MIGA1: variants seen among roughly 807,000 people sequenced by gnomAD.
The protein encoded by MIGA1 is family with sequence similarity 73, member A.
In MIGA1, 58 loss-of-function variants were observed where a neutral mutation model predicts 82.0. The observed-to-expected ratio is 0.71, with a 90% CI of 0.57 to 0.88. The LOEUF (loss-of-function observed/expected upper bound fraction) is 0.88. Ranked by LOEUF, MIGA1 falls within the 40% of genes least tolerant of loss-of-function variation. The probability of loss-of-function intolerance (pLI) is 0.00; values close to 1 mark genes in which losing one functional copy is unlikely to be tolerated. For synonymous variants in MIGA1, 249 were observed against 253.6 expected, an observed-to-expected ratio of 0.98 and a Z score of 0.17; for missense variants, 751 against 749.1, an observed-to-expected ratio of 1.00 and a Z score of -0.03.
Position 77,866,330 on chromosome 1 carries a change from G to C in MIGA1, c.1510-8G>C. ...ATATAAATCTTTCTTTTCTCTGCAT[G>C]TATTTAGGCTGTGGCTTCAAGTTGT... On this transcript the variant is annotated splice_region_variant and splice_polypyrimidine_tract_variant and intron_variant, in intron 13 of 15. Transcript: ENST00000370791. 1 of 1,613,654 alleles carries C rather than the reference G, an allele frequency of 6.2e-7. No homozygotes were observed. Among genetic ancestry groups the C allele is most frequent in the East Asian group, 2.2e-5 (1 of 44,884 alleles).
intron 10 of MIGA1, 122 bp from the exon 11 acceptor site, chr1:77,859,918 C>T: frequency 4.8e-6 from 3 of 619,124 alleles, no homozygotes; most frequent in East Asian, 3.0e-5. Context: ...TGTGAGCTGC[C>T]TGTTGAAATA....
intron 2 of MIGA1, among the ~76,000 whole-genome samples, chr1:77,790,664 G>A (rs1009239080): frequency 1.3e-5 from 2 of 149,894 alleles, no homozygotes; most frequent in Admixed American, 6.7e-5. Context: ...TGGCTCACTT[G>A]CAACCTCCAC....
intron 7 of MIGA1, among the ~76,000 whole-genome samples, chr1:77,816,221 G>A (rs903915960): frequency 5.9e-5 from 9 of 152,162 alleles, no homozygotes; most frequent in Admixed American, 5.9e-4. Flanking sequence ...TGGGATTACA[G>A]GCGTGGACCA....
At chr1:77,821,389 GA>G (rs974963428) in intron 7 of MIGA1, among the ~76,000 whole-genome samples, 3 of 150,076 alleles carry the variant, frequency 2.0e-5, no homozygotes, top group East Asian at 2.0e-4. Flanking sequence ...AATAGTTTTA[GA>G]TTTTTTTTTT....
chr1:77,807,080 C>T lies in MIGA1; in HGVS notation c.616C>T (p.Pro206Ser), dbSNP rs1331620792. Residue 206 changes from proline (P) to serine (S), a missense_variant, in exon 5 of 16, where the codon CCA becomes TCA. Coordinates refer to ENST00000370791, the MANE Select transcript of MIGA1 (RefSeq NM_198549.4). ...ACTTGTTAATATTCCTGTGACTACTCCAGAGAACTTATACTTAATGGGTAG... is the reference window on the plus strand; with the variant it reads ...ACTTGTTAATATTCCTGTGACTACTTCAGAGAACTTATACTTAATGGGTAG... The T allele has an allele frequency of 1.9e-6, 3 of 1,591,406 alleles. No homozygotes were observed. In the East Asian group the frequency reaches 6.7e-5, roughly 36 times the overall value.
intron 14 of MIGA1, chr1:77,868,605 C>T (rs928723010): frequency 6.6e-6 from 1 of 152,236 alleles, no homozygotes; most frequent in Non-Finnish European, 1.5e-5. Context: ...GCCAAATTCC[C>T]TCTGTACTTA....
At chr1:77,785,724 G>C (rs539015333) in intron 2 of MIGA1, among the ~76,000 whole-genome samples, 1 of 152,304 alleles carries the variant, frequency 6.6e-6, no homozygotes, top group Admixed American at 6.5e-5. Flanking sequence ...GCAAGAGGTG[G>C]GTTCCCATGG....
intron 2 of MIGA1, among the ~76,000 whole-genome samples, chr1:77,786,989 T>C (rs1483455414): frequency 6.6e-6 from 1 of 152,190 alleles, no homozygotes; most frequent in African/African-American, 2.4e-5. Context: ...AAAAGAAAGC[T>C]TTATTGGACT....
Position 77,874,849 on chromosome 1 carries a change from C to A in MIGA1, c.1684C>A (p.Gln562Lys). 3 of 1,611,144 alleles carry A rather than the reference C, an allele frequency of 1.9e-6. No individual in the cohort carries two copies. Among genetic ancestry groups the A allele is most frequent in the East Asian group, 4.5e-5 (2 of 44,852 alleles). ...CCAATTTATGTTCATTTTCCAGAAT[C>A]AAGTTCTTTTATTTCTCAAAGACAT... The change falls in exon 16 of 16, where the codon CAA becomes AAA. Residue 562 changes from glutamine (Q) to lysine (K), a missense_variant. Physicochemically the swap from Gln to Lys is moderately conservative, Grantham distance 53 (BLOSUM62 1). Around this residue, in one of 3 missense-constraint regions of MIGA1, gnomAD observed 265 missense variants for 293.6 expected, o/e 0.90. Transcript: ENST00000370791.
In MIGA1 at chr1:77,874,949, G is replaced by T; in HGVS notation, c.1784G>T (p.Arg595Leu). ...GACCTCATGCAGTTACTCATTCGCC[G>T]CACTGAGCTTTTAATGGCCTATCTT... Residue 595 changes from arginine (R) to leucine (L), a missense_variant, in exon 16 of 16, where the codon CGC becomes CTC. By Grantham distance (102) the Arg-to-Leu change is moderately radical. This residue lies in a region of MIGA1 where 265 missense variants were observed against 293.6 expected (regional missense o/e 0.90). Coordinates refer to ENST00000370791, the MANE Select transcript of MIGA1 (RefSeq NM_198549.4). 1.2e-6 allele frequency: 2 copies of T among 1,613,988 alleles called. No homozygotes were observed. Among genetic ancestry groups the T allele is most frequent in the Non-Finnish European group, 1.7e-6 (2 of 1,179,934 alleles).
chr1:77,869,743 C>A (rs1279654792), intron 14 of MIGA1, among the ~76,000 whole-genome samples: 4 of 114,434 alleles, frequency 3.5e-5, no homozygotes, highest in Admixed American at 3.1e-4. Flanking sequence ...GGCCGACCCC[C>A]CCCCCGCCTG....
intron 2 of MIGA1, among the ~76,000 whole-genome samples, chr1:77,795,088 C>T (rs1422909576): frequency 2.0e-5 from 3 of 151,510 alleles, no homozygotes; most frequent in East Asian, 2.0e-4. Context: ...CTCAGCCACC[C>T]GAGTAGCTGG....
At chr1:77,848,172 A>G in intron 8 of MIGA1, 2 of 1,425,258 alleles carry the variant, frequency 1.4e-6, no homozygotes, top group Non-Finnish European at 2.0e-6. Flanking sequence ...TCATAGGCAC[A>G]GGAGACCAGT....
intron 4 of MIGA1, among the ~76,000 whole-genome samples, chr1:77,804,687 G>A (rs1683019504): frequency 1.3e-5 from 2 of 148,400 alleles, no homozygotes; most frequent in South Asian, 4.3e-4. Flanking sequence ...GTGGCGCGAT[G>A]AGCTGGAACT....
At chr1:77,831,043 C>G (rs1044025253) in intron 7 of MIGA1, among the ~76,000 whole-genome samples, 2 of 152,200 alleles carry the variant, frequency 1.3e-5, no homozygotes, top group African/African-American at 4.8e-5. Context: ...CCTCCATCCA[C>G]AAAGTCGAAG....
chr1:77,785,444 A>G (rs1682115967), intron 2 of MIGA1, among the ~76,000 whole-genome samples: 1 of 152,036 alleles, frequency 6.6e-6, no homozygotes, highest in Non-Finnish European at 1.5e-5. Context: ...CCCGAGTTCA[A>G]GCGATTCTCC....
intron 7 of MIGA1, among the ~76,000 whole-genome samples, chr1:77,837,075 A>G (rs1570978643): frequency 6.6e-6 from 1 of 152,316 alleles, no homozygotes; most frequent in East Asian, 1.9e-4. Context: ...AAGAACTTGT[A>G]AGCTCTTTGC....
chr1:77,791,559 GTTT>G (rs71075763), intron 2 of MIGA1, among the ~76,000 whole-genome samples: 8,066 of 124,678 alleles, frequency 0.065, 279 homozygotes, highest in South Asian at 0.13. Flanking sequence ...AGATATTTAA[GTTT>G]TTTTTTTTTT....
Position 77,878,766 on chromosome 1 carries a change from T to C in MIGA1, c.*3702T>C. 2.6e-6 allele frequency: 1 copy of C among 384,618 alleles called. No individual in the cohort carries two copies. Among genetic ancestry groups the C allele is most frequent in the Middle Eastern group, 6.7e-4 (1 of 1,502 alleles). The allele number at this position is 384,618 out of a possible 1,614,324, so 23.8% of individuals were successfully genotyped here. A position where few individuals can be genotyped will look rare whatever the true frequency, so the allele number is the denominator to read the frequency against. ...TATTTCTTCTTGAAGGTTAACATTA[T>C]GTTTATTAAGTATCAAAATGGAATT... On this transcript the variant is annotated 3_prime_UTR_variant, in exon 16 of 16. Transcript: ENST00000370791.
Sources: gnomAD v4.1 joint callset for allele counts (sites outside exome capture counted in the v4.1 genomes callset) on GRCh38, gnomAD v4.1.1 for gene constraint, gnomAD v4.1.1 regional missense constraint, MANE v1.5 for transcripts, NCBI Gene and HGNC (gene_info 2026-07-23, HGNC 2026-07-21) for gene names.